Variants in RPN2 observed in about 807,000 individuals in gnomAD.
RPN2 encodes ribophorin II.
Under a neutral mutation model 71.4 loss-of-function variants are expected in RPN2, and 29 were observed. That is an observed-to-expected ratio of 0.41 (90% CI 0.30 to 0.55). The LOEUF (loss-of-function observed/expected upper bound fraction) is 0.55. RPN2 is among the 20% of genes least tolerant of loss of function. The pLI is 0.35. For missense variants in RPN2, 726 were observed against 774.1 expected, an observed-to-expected ratio of 0.94 and a Z score of 0.74; for synonymous variants, 308 against 305.0, an observed-to-expected ratio of 1.01 and a Z score of -0.10.
At chr20:37,216,358 T>C (rs2067803713) in intron 9 of RPN2, among the ~76,000 whole-genome samples, 1 of 152,130 alleles carries the variant, frequency 6.6e-6, no homozygotes, top group Non-Finnish European at 1.5e-5. Flanking sequence ...AATAAATAAA[T>C]AAAATACAAG....
At chr20:37,181,555 A>G (rs1301287989) in intron 1 of RPN2, among the ~76,000 whole-genome samples, 1 of 150,176 alleles carries the variant, frequency 6.7e-6, no homozygotes, top group Non-Finnish European at 1.5e-5. Flanking sequence ...AGTAGCTGGG[A>G]TTACAGGCCA....
Position 37,189,323 on chromosome 20 carries a change from A to ATGTGTG in RPN2, c.207+4983_207+4988dup, listed in dbSNP as rs11474653. ...CCAATGGGCCAAACTGTGTGTGTGT[A>ATGTGTG]TGTGTGTGTGTGTGTGTGTGTGTGT... On this transcript the variant is annotated intron_variant, in intron 2 of 16. Coordinates refer to ENST00000237530, the MANE Select transcript of RPN2 (RefSeq NM_002951.5). Among the ~76,000 whole-genome samples, 514 of 64,590 alleles carry ATGTGTG rather than the reference A, an allele frequency of 8.0e-3. 1 individual carries two copies. The highest frequency in any genetic ancestry group is 0.033 in the East Asian group (99 of 3,008). The allele number at this position is 64,590 out of a possible 152,430, so 42.4% of individuals were successfully genotyped here. A position where few individuals can be genotyped will look rare whatever the true frequency, so the allele number is the denominator to read the frequency against.
intron 4 of RPN2, among the ~76,000 whole-genome samples, chr20:37,200,859 T>C (rs1162772050): frequency 2.0e-5 from 3 of 152,120 alleles, no homozygotes; most frequent in Non-Finnish European, 2.9e-5. Context: ...TGCCTTACTT[T>C]GATGCTACCT....
At chr20:37,234,758 G>A (rs1385160779) in intron 15 of RPN2, among the ~76,000 whole-genome samples, 1 of 150,216 alleles carries the variant, frequency 6.7e-6, no homozygotes, top group Non-Finnish European at 1.5e-5. Context: ...ATGGCTCACT[G>A]CAGCCTTGAC....
At chr20:37,236,802 TTG>T in intron 16 of RPN2, 93 bp downstream of exon 16, 1 of 1,357,594 alleles carries the variant, frequency 7.4e-7, no homozygotes. Flanking sequence ...GCAAAATGAT[TTG>T]TGTTCTTAGG....
chr20:37,198,172 T>TA (rs2067294170), intron 2 of RPN2, among the ~76,000 whole-genome samples: 1 of 152,216 alleles, frequency 6.6e-6, no homozygotes, highest in Admixed American at 6.5e-5. Flanking sequence ...CTTTCCTTTC[T>TA]AAGGTTCGGA....
intron 2 of RPN2, among the ~76,000 whole-genome samples, chr20:37,195,893 T>A (rs2067246369): frequency 6.6e-6 from 1 of 152,206 alleles, no homozygotes; most frequent in South Asian, 2.1e-4. Context: ...TTGAAACTCA[T>A]TTGTTTTGAG....
At chr20:37,234,659 A>G (rs1259538521) in intron 15 of RPN2, among the ~76,000 whole-genome samples, 2 of 149,974 alleles carry the variant, frequency 1.3e-5, no homozygotes, top group East Asian at 1.9e-4. Context: ...CTTGCATTTC[A>G]CTGTGACTTT....
intron 16 of RPN2, among the ~76,000 whole-genome samples, chr20:37,236,968 A>G (rs2068414388): frequency 6.6e-6 from 1 of 152,324 alleles, no homozygotes. Flanking sequence ...TAGCTTTATG[A>G]AGATGAAAAT....
At chr20:37,237,996 A>G (rs2068448420) in intron 16 of RPN2, among the ~76,000 whole-genome samples, 1 of 152,222 alleles carries the variant, frequency 6.6e-6, no homozygotes, top group Non-Finnish European at 1.5e-5. Flanking sequence ...GTTGGAGACC[A>G]GCCTGGGCAA....
rs776347687 is a variant in RPN2 at position 37,213,797 on chromosome 20, T to C, written c.1024T>C (p.Ser342Pro). The C allele has an allele frequency of 1.2e-5, 19 of 1,614,044 alleles. No individual in the cohort carries two copies. The highest frequency in any genetic ancestry group is 1.4e-5 in the Non-Finnish European group (17 of 1,179,980). ...ACTAAATTTCATGAACGTCAAATTT[T>C]CCAGTGGTTATTATGACTTCCTTGT... ...FELNFMNVKFSSGYYDFLVEV... is the reference protein window; with the variant it reads ...FELNFMNVKFPSGYYDFLVEV... The change falls in exon 9 of 17, where the codon TCC (serine) becomes CCC (proline). Residue 342 changes from serine (S) to proline (P), a missense_variant. Coordinates refer to ENST00000237530, the MANE Select transcript of RPN2 (RefSeq NM_002951.5).
At chr20:37,190,484 G>A (rs763912645) in intron 2 of RPN2, among the ~76,000 whole-genome samples, 47 of 152,148 alleles carry the variant, frequency 3.1e-4, no homozygotes, top group Non-Finnish European at 1.9e-4. Flanking sequence ...TTCTGTCATC[G>A]GTAAGATGGA....
At position 37,207,379 on chromosome 20, in the gene RPN2, G is replaced by T. The variant is rs1244111768; in HGVS notation, c.797G>T (p.Arg266Leu). 6.2e-7 allele frequency: 1 copy of T among 1,614,090 alleles called. No homozygotes were observed. The highest frequency in any genetic ancestry group is 8.5e-7 in the Non-Finnish European group (1 of 1,179,942). ...ASAAAVLSHN[R>L]YHVPVVVVPE... ...GCAGCTGCTGTGCTCTCGCATAATC[G>T]CTACCACGTGCCAGTTGTGGTTGTG... The change falls in exon 7 of 17, where the codon CGC becomes CTC. Residue 266 changes from arginine (R) to leucine (L), a missense_variant. Physicochemically the swap from Arg to Leu is moderately radical, Grantham distance 102 (BLOSUM62 -2). Transcript: ENST00000237530.
intron 9 of RPN2, among the ~76,000 whole-genome samples, chr20:37,216,012 C>A (rs1274562898): frequency 6.6e-6 from 1 of 152,068 alleles, no homozygotes; most frequent in Admixed American, 6.6e-5. Flanking sequence ...TCTTGAAGCA[C>A]AAAATTTAAT....
intron 10 of RPN2, among the ~76,000 whole-genome samples, chr20:37,225,216 A>G (rs903412800): frequency 7.9e-5 from 12 of 152,170 alleles, no homozygotes; most frequent in Admixed American, 2.0e-4. Context: ...ATATAGCATT[A>G]AAAAAAGACA....
intron 2 of RPN2, among the ~76,000 whole-genome samples, chr20:37,187,947 G>C (rs1335667777): frequency 6.6e-6 from 1 of 151,790 alleles, no homozygotes; most frequent in African/African-American, 2.4e-5. Flanking sequence ...CCAGCCCCTT[G>C]ATTATTTTTA....
chr20:37,222,910 A>T (rs1176061383), intron 9 of RPN2, among the ~76,000 whole-genome samples: 1 of 152,272 alleles, frequency 6.6e-6, no homozygotes, highest in African/African-American at 2.4e-5. Context: ...AGGGACATAC[A>T]GAATTCAAAC....
At chr20:37,188,446 C>T (rs969649573) in intron 2 of RPN2, among the ~76,000 whole-genome samples, 5 of 152,166 alleles carry the variant, frequency 3.3e-5, no homozygotes, top group African/African-American at 7.2e-5. Context: ...AGCCACCGCG[C>T]CCGGCCCATT....
chr20:37,209,531 C>T (rs1033370869), intron 7 of RPN2, among the ~76,000 whole-genome samples: 55 of 151,472 alleles, frequency 3.6e-4, no homozygotes, highest in Admixed American at 1.5e-3. Flanking sequence ...AGTATAGTGG[C>T]GCAATCATAG....
Sources: gnomAD v4.1 joint callset for allele counts (sites outside exome capture counted in the v4.1 genomes callset) on GRCh38, gnomAD v4.1.1 for gene constraint, MANE v1.5 for transcripts, NCBI Gene and HGNC (gene_info 2026-07-23, HGNC 2026-07-21) for gene names.